Variants in ADAP1 observed in about 807,000 individuals in gnomAD.
ADAP1 encodes ArfGAP with dual PH domains 1.
ADAP1 carries 31 observed loss-of-function variants against 54.9 expected under a neutral mutation model. The observed-to-expected ratio is 0.56, with a 90% CI of 0.42 to 0.76. ADAP1 has a LOEUF of 0.76. ADAP1 is among the 30% of genes least tolerant of loss of function. The probability of loss-of-function intolerance (pLI) is 0.00; values close to 1 mark genes in which losing one functional copy is unlikely to be tolerated. For missense variants in ADAP1, 535 were observed against 512.4 expected (o/e 1.04, Z -0.42); for synonymous variants, 313 against 202.6 (o/e 1.55, Z -4.63).
chr7:902,859 A>T (rs79919867), intron 6 of ADAP1, among the ~76,000 whole-genome samples: 223 of 152,352 alleles, frequency 1.5e-3, no homozygotes, highest in Middle Eastern at 0.014. Flanking sequence ...TCCGTGGTGC[A>T]AAGCCTTCAG....
intron 3 of ADAP1, chr7:921,032 G>T (rs747572006): frequency 3.3e-6 from 2 of 615,026 alleles, no homozygotes; most frequent in African/African-American, 3.7e-5. Context: ...CCAGGTGTGT[G>T]TGTGTCCCCC....
chr7:913,402 C>T (rs917263562), intron 4 of ADAP1, among the ~76,000 whole-genome samples: 5 of 151,840 alleles, frequency 3.3e-5, no homozygotes, highest in African/African-American at 4.8e-5. Flanking sequence ...GGGGTTTCAC[C>T]GTGTTAGCCA....
intron 3 of ADAP1, chr7:923,218 CA>C (rs1846252691): frequency 6.6e-6 from 1 of 152,052 alleles, no homozygotes; most frequent in Non-Finnish European, 1.5e-5. Context: ...CCAGGAGCCC[CA>C]GACATGCATG....
chr7:919,702 G>T (rs1316620455), intron 4 of ADAP1, among the ~76,000 whole-genome samples: 1 of 51,304 alleles, frequency 1.9e-5, no homozygotes, highest in Non-Finnish European at 4.0e-5. Flanking sequence ...GATAAAGACA[G>T]GGGAGAAAGA....
chr7:904,232 T>A lies in ADAP1; in HGVS notation c.542A>T (p.Asn181Ile). 2 of 1,609,578 alleles carry A rather than the reference T, an allele frequency of 1.2e-6. No homozygotes were observed. Among genetic ancestry groups the A allele is most frequent in the Non-Finnish European group, 1.7e-6 (2 of 1,178,200 alleles). ...PKAVMKIEHLNATFQPAKIGH... is the reference protein window; with the variant it reads ...PKAVMKIEHLIATFQPAKIGH... ...GATCTTGGCCGGCTGGAAGGTGGCG[T>A]TCAGGTGCTCGATCTTCATCACGGC... The change falls in exon 6 of 11, where the codon AAC (asparagine) becomes ATC (isoleucine). Residue 181 changes from asparagine (N) to isoleucine (I), a missense_variant. Coordinates refer to ENST00000265846, the MANE Select transcript of ADAP1 (RefSeq NM_006869.4).
At chr7:928,372 A>C (rs1261013582) in intron 2 of ADAP1, among the ~76,000 whole-genome samples, 5 of 152,254 alleles carry the variant, frequency 3.3e-5, no homozygotes, top group South Asian at 2.1e-4. Flanking sequence ...TCTGCAAAAA[A>C]AGGAAGGTAA....
chr7:951,372 CAA>C (rs1221252727), intron 1 of ADAP1, among the ~76,000 whole-genome samples: 6 of 126,460 alleles, frequency 4.7e-5, no homozygotes, highest in Non-Finnish European at 8.6e-5. Flanking sequence ...GACTCCGTCT[CAA>C]AAAAAAAAAA....
intron 4 of ADAP1, among the ~76,000 whole-genome samples, chr7:914,309 C>T (rs557529107): frequency 1.6e-4 from 24 of 152,332 alleles, no homozygotes; most frequent in East Asian, 7.7e-4. Context: ...CGGGCCCTGC[C>T]GCAGGGACTT....
intron 1 of ADAP1, among the ~76,000 whole-genome samples, chr7:940,373 C>CAA (rs1491266692): frequency 2.9e-5 from 4 of 139,062 alleles, no homozygotes; most frequent in African/African-American, 1.1e-4. Flanking sequence ...CACACACACA[C>CAA]AATATGGAGA....
intron 4 of ADAP1, among the ~76,000 whole-genome samples, chr7:907,295 G>T (rs971384593): frequency 2.0e-5 from 3 of 152,146 alleles, no homozygotes; most frequent in African/African-American, 7.2e-5. Flanking sequence ...TGTGGCAGAC[G>T]ATCACAGGGG....
chr7:936,587 G>A (rs1056984528), intron 1 of ADAP1, among the ~76,000 whole-genome samples: 11 of 152,234 alleles, frequency 7.2e-5, no homozygotes, highest in Non-Finnish European at 1.5e-4. Flanking sequence ...GCCCTGGGGC[G>A]ATGGCTAAGA....
intron 3 of ADAP1, among the ~76,000 whole-genome samples, chr7:921,052 A>C (rs1002701335): frequency 2.0e-5 from 3 of 152,042 alleles, no homozygotes; most frequent in Non-Finnish European, 4.4e-5. Context: ...CACCTGCTAC[A>C]ACGATCACCC....
intron 1 of ADAP1, among the ~76,000 whole-genome samples, chr7:947,220 T>TC (rs1255801351): frequency 2.1e-5 from 3 of 145,622 alleles, no homozygotes; most frequent in African/African-American, 7.6e-5. Flanking sequence ...TTTGGTTTTT[T>TC]TTTTTTTTTT....
At chr7:908,493 G>C (rs934121929) in intron 4 of ADAP1, among the ~76,000 whole-genome samples, 1 of 152,088 alleles carries the variant, frequency 6.6e-6, no homozygotes, top group Non-Finnish European at 1.5e-5. Context: ...CCCCAGCCCC[G>C]TGCGCACAGC....
chr7:905,405 GAGAAAGGGAGAAAGAGAAAGGA>G (rs1845115800), intron 4 of ADAP1: 6 of 215,632 alleles, frequency 2.8e-5, no homozygotes, highest in Admixed American at 6.5e-5. Context: ...AAGGAGAAAG[GAGAAAGGGAGAAAGAGAAAGGA>G]GAAAGGAGAA....
rs184491965 is a variant in ADAP1, at chr7:949,137, A to T, written c.82+5259T>A. On this transcript the variant is annotated intron_variant, in intron 1 of 10. Coordinates refer to ENST00000265846, the MANE Select transcript of ADAP1 (RefSeq NM_006869.4). ...GGTCCGGTCTCCCTGAGCCCCAGTGACTGCACAGGGCAAGGCACTCAGTAC... is the reference window on the plus strand; with the variant it reads ...GGTCCGGTCTCCCTGAGCCCCAGTGTCTGCACAGGGCAAGGCACTCAGTAC... Among the ~76,000 whole-genome samples, 40 of 152,338 alleles carry T rather than the reference A, an allele frequency of 2.6e-4. No homozygotes were observed. The East Asian group carries it at 7.3e-3, about 28-fold the overall frequency.
At chr7:913,761 C>A (rs973518517) in intron 4 of ADAP1, among the ~76,000 whole-genome samples, 1 of 151,948 alleles carries the variant, frequency 6.6e-6, no homozygotes, top group Non-Finnish European at 1.5e-5. Context: ...ATGATGAAAT[C>A]CTGTCTCTAC....
chr7:935,477 G>C lies in ADAP1; in HGVS notation c.111C>G (p.Gly37=). ...CCGAGCAGCTCAGGCAGATGAAGAC[G>C]CCCAGAGTGTAGGAGGCCCAGTCGG... ...PDPDWASYTL[G]VFICLSCSGI... Residue 37 remains glycine, a synonymous_variant, in exon 2 of 11, where the codon GGC becomes GGG. Transcript: ENST00000265846. 6.4e-7 allele frequency: 1 copy of C among 1,563,474 alleles called. No individual in the cohort carries two copies. The highest frequency in any genetic ancestry group is 8.7e-7 in the Non-Finnish European group (1 of 1,154,166).
At chr7:903,418 C>T (rs1470533756) in intron 6 of ADAP1, among the ~76,000 whole-genome samples, 1 of 152,122 alleles carries the variant, frequency 6.6e-6, no homozygotes, top group Non-Finnish European at 1.5e-5. Flanking sequence ...ATATGGGGAC[C>T]AATTCCCAAC....
Sources: allele counts gnomAD v4.1 joint callset (sites outside exome capture counted in the v4.1 genomes callset), GRCh38; gene constraint gnomAD v4.1.1; transcripts MANE v1.5; gene names NCBI Gene and HGNC (gene_info 2026-07-23, HGNC 2026-07-21).